The following NPAS3 variants were observed in gnomAD, a reference collection of about 807,000 sequenced individuals.
NPAS3 encodes the protein neuronal PAS domain protein 3.
NPAS3 carries 14 observed loss-of-function variants against 73.1 expected under a neutral mutation model. The ratio of observed to expected loss-of-function variants is 0.19; its 90% CI spans 0.13 to 0.30. NPAS3 has a LOEUF of 0.30. Ranked by LOEUF, NPAS3 falls within the 10% of genes least tolerant of loss-of-function variation. NPAS3 has a pLI of 1.00. For synonymous variants in NPAS3, 620 were observed against 541.5 expected (o/e 1.14, Z -2.01); for missense variants, 1,096 against 1,250.0 (o/e 0.88, Z 1.86).
In NPAS3 at chr14:33,326,285, C is replaced by G. The variant is rs183557723; in HGVS notation, c.386-40901C>G. 2.2e-3 allele frequency among the ~76,000 whole-genome samples: 328 copies of G among 152,222 alleles called. 1 individual carries two copies. Among genetic ancestry groups the G allele is most frequent in the Non-Finnish European group, 4.0e-3 (271 of 68,020 alleles). ...AGAGACAAAGTATTATAAGCATTAA[C>G]AATTATGGCTTCAGAAGGGAGTTGA... is the stretch of plus-strand genomic sequence containing the variant. On this transcript the variant is annotated intron_variant, in intron 3 of 11. Transcript: ENST00000356141.
At chr14:33,704,521 A>G (rs561436580) in intron 6 of NPAS3, among the ~76,000 whole-genome samples, 1 of 152,244 alleles carries the variant, frequency 6.6e-6, no homozygotes, top group Non-Finnish European at 1.5e-5. Flanking sequence ...TGCATAAAGC[A>G]TGATGCCCTG....
At chr14:33,066,989 C>T in intron 2 of NPAS3, among the ~76,000 whole-genome samples, 1 of 152,158 alleles carries the variant, frequency 6.6e-6, no homozygotes, top group East Asian at 1.9e-4. Flanking sequence ...ACCCAAGCAA[C>T]CATGTTTGAA....
chr14:33,795,790 C>T (rs2063495507), intron 10 of NPAS3, among the ~76,000 whole-genome samples: 1 of 152,186 alleles, frequency 6.6e-6, no homozygotes, highest in Admixed American at 6.5e-5. Flanking sequence ...ATTGATCTAG[C>T]CTAGGATCCG....
intron 3 of NPAS3, among the ~76,000 whole-genome samples, chr14:33,235,780 G>T (rs2048011216): frequency 7.2e-6 from 1 of 139,450 alleles, no homozygotes; most frequent in East Asian, 2.2e-4. Context: ...GCGTACAAAA[G>T]ACTAAAAGTT....
At chr14:33,575,086 C>G (rs1302259805) in intron 5 of NPAS3, among the ~76,000 whole-genome samples, 1 of 152,178 alleles carries the variant, frequency 6.6e-6, no homozygotes, top group African/African-American at 2.4e-5. Flanking sequence ...CTACCAAACA[C>G]GTTAGGAGGT....
intron 7 of NPAS3, among the ~76,000 whole-genome samples, chr14:33,736,654 T>C (rs1318644847): frequency 6.6e-6 from 1 of 152,156 alleles, no homozygotes; most frequent in Non-Finnish European, 1.5e-5. Context: ...TCTTGTTATT[T>C]TAATGCTAGA....
At chr14:33,395,715 C>T (rs1190930185) in intron 4 of NPAS3, among the ~76,000 whole-genome samples, 2 of 152,126 alleles carry the variant, frequency 1.3e-5, no homozygotes, top group East Asian at 1.9e-4. Context: ...TCTGTCAGGT[C>T]CCCTGGGGTG....
rs570572052 is a variant in NPAS3, at chr14:33,670,709, A to T, written c.559-5502A>T. Among the ~76,000 whole-genome samples, 14 of 151,762 alleles carry T rather than the reference A, an allele frequency of 9.2e-5. 1 individual carries two copies. The South Asian group carries it at 2.9e-3, about 32-fold the overall frequency. On this transcript the variant is annotated intron_variant, in intron 5 of 11. Transcript: ENST00000356141. The stretch of plus-strand genomic sequence containing the variant: ...CCTGGCTCAGGATTTTCTAACCAGG[A>T]TGTCAGGGTCTCTTGCTAGATCTGA...
At chr14:33,512,086 A>G (rs2053082554) in intron 4 of NPAS3, among the ~76,000 whole-genome samples, 1 of 152,110 alleles carries the variant, frequency 6.6e-6, no homozygotes, top group Admixed American at 6.6e-5. Flanking sequence ...CCATGGTGAC[A>G]GAAAGAATGC....
intron 1 of NPAS3, among the ~76,000 whole-genome samples, chr14:33,048,103 T>C (rs186093885): frequency 2.4e-4 from 37 of 152,322 alleles, no homozygotes; most frequent in Non-Finnish European, 5.0e-4. Flanking sequence ...ATCTGTAAAC[T>C]AGGCTCTACT....
intron 6 of NPAS3, among the ~76,000 whole-genome samples, chr14:33,679,650 C>T (rs1052730015): frequency 6.6e-6 from 1 of 151,942 alleles, no homozygotes; most frequent in Non-Finnish European, 1.5e-5. Context: ...TTTCAGAAGC[C>T]CTGATGTGTT....
chr14:32,960,855 C>T (rs939602495), intron 1 of NPAS3, among the ~76,000 whole-genome samples: 2 of 152,106 alleles, frequency 1.3e-5, no homozygotes, highest in African/African-American at 4.8e-5. Flanking sequence ...TCATAAGAAC[C>T]CTGACAGCAG....
chr14:33,543,993 A>G (rs1165208335), intron 4 of NPAS3, among the ~76,000 whole-genome samples: 19 of 59,340 alleles, frequency 3.2e-4, no homozygotes, highest in African/African-American at 1.8e-3. Flanking sequence ...ATATATATAT[A>G]TATATATATC....
intron 1 of NPAS3, among the ~76,000 whole-genome samples, chr14:33,053,093 T>C (rs955259016): frequency 2.0e-5 from 3 of 152,218 alleles, no homozygotes; most frequent in African/African-American, 4.8e-5. Flanking sequence ...CATCTGTTCT[T>C]GTTTGCACAA....
intron 3 of NPAS3, among the ~76,000 whole-genome samples, chr14:33,311,204 T>C (rs2042988542): frequency 6.6e-6 from 1 of 152,114 alleles, no homozygotes; most frequent in Admixed American, 6.6e-5. Context: ...CAGCTGTCCT[T>C]TGGCAAAGTG....
intron 3 of NPAS3, among the ~76,000 whole-genome samples, chr14:33,304,410 C>T (rs2140164652): frequency 6.6e-6 from 1 of 152,030 alleles, no homozygotes; most frequent in African/African-American, 2.4e-5. Context: ...TCCTCAAACA[C>T]AATCCTATTT....
chr14:33,388,504 C>CG (rs958540359), intron 4 of NPAS3, among the ~76,000 whole-genome samples: 7 of 148,240 alleles, frequency 4.7e-5, no homozygotes, highest in African/African-American at 1.5e-4. Flanking sequence ...TGAATGGGGG[C>CG]GGGGGGCAGA....
intron 4 of NPAS3, among the ~76,000 whole-genome samples, chr14:33,508,618 C>T (rs1356346932): frequency 6.6e-6 from 1 of 152,028 alleles, no homozygotes; most frequent in Admixed American, 6.6e-5. Context: ...TGGCTGTCAT[C>T]CTCCATTATC....
intron 4 of NPAS3, among the ~76,000 whole-genome samples, chr14:33,474,443 A>T (rs887208986): frequency 6.6e-6 from 1 of 152,212 alleles, no homozygotes; most frequent in African/African-American, 2.4e-5. Context: ...CTTTATGCAT[A>T]GAAGAAAAAT....
Sources: gnomAD v4.1 joint callset for allele counts (sites outside exome capture counted in the v4.1 genomes callset) on GRCh38, gnomAD v4.1.1 for gene constraint, MANE v1.5 for transcripts, NCBI Gene and HGNC (gene_info 2026-07-23, HGNC 2026-07-21) for gene names.